The following MALRD1 variants were observed in gnomAD, a reference collection of about 807,000 sequenced individuals.
The protein encoded by MALRD1 is MAM and LDL receptor class A domain containing 1, also known as MAM and LDL-receptor class A domain-containing protein 1.
A neutral mutation model predicts 242.1 loss-of-function variants in MALRD1; 247 were observed. The ratio of observed to expected loss-of-function variants is 1.02; its 90% CI spans 0.92 to 1.13. The LOEUF is 1.13. MALRD1 is among the 50% of genes most tolerant of loss of function. MALRD1 has a pLI of 0.00. For missense variants in MALRD1, 2,989 were observed against 2,533.1 expected, an observed-to-expected ratio of 1.18 and a Z score of -3.86; for synonymous variants, 995 against 866.6, an observed-to-expected ratio of 1.15 and a Z score of -2.60.
intron 36 of MALRD1, among the ~76,000 whole-genome samples, chr10:19,664,916 C>T (rs1589375934): frequency 1.3e-5 from 2 of 151,882 alleles, no homozygotes; most frequent in East Asian, 3.9e-4. Flanking sequence ...AATCATTCAC[C>T]TATCATCAAA....
intron 38 of MALRD1, among the ~76,000 whole-genome samples, chr10:19,730,239 A>T (rs1835233082): frequency 6.6e-6 from 1 of 152,172 alleles, no homozygotes; most frequent in African/African-American, 2.4e-5. Context: ...AAAGACTATG[A>T]CTCATGTGCT....
rs575308115 is a variant in MALRD1 at position 19,124,611 on chromosome 10, C to T, written c.884C>T (p.Ala295Val). 6.0e-5 allele frequency: 74 copies of T among 1,233,576 alleles called. No individual in the cohort carries two copies. The Admixed American group carries it at 7.6e-4, about 13-fold the overall frequency. 76.4% of individuals were successfully genotyped at this position (1,233,576 alleles called of 1,614,324 possible). A position where few individuals can be genotyped will look rare whatever the true frequency, so the allele number is the denominator to read the frequency against. ...CAAATTTCCTGGATGCGCACAAAAG[C>T]GAGAGAGATCCCTGCATTCGAATCC... ...AGQISWMRTKAREIPAFESTP... is the reference protein window; with the variant it reads ...AGQISWMRTKVREIPAFESTP... The change falls in exon 7 of 40, where the codon GCG becomes GTG. Residue 295 changes from alanine to valine, a missense_variant. Coordinates refer to ENST00000454679, the MANE Select transcript of MALRD1 (RefSeq NM_001142308.3).
intron 13 of MALRD1, among the ~76,000 whole-genome samples, chr10:19,170,079 T>C (rs901051269): frequency 6.6e-6 from 1 of 152,176 alleles, no homozygotes; most frequent in Non-Finnish European, 1.5e-5. Flanking sequence ...CCTAGTTAGG[T>C]AGGGCATTTG....
At chr10:19,483,830 G>C (rs1417823754) in intron 29 of MALRD1, among the ~76,000 whole-genome samples, 1 of 152,090 alleles carries the variant, frequency 6.6e-6, no homozygotes, top group African/African-American at 2.4e-5. Flanking sequence ...GAATGCATAT[G>C]CTCTTCATAG....
At chr10:19,376,606 AG>A (rs1457843930) in intron 26 of MALRD1, among the ~76,000 whole-genome samples, 2 of 120,632 alleles carry the variant, frequency 1.7e-5, no homozygotes, top group African/African-American at 6.5e-5. Context: ...CCCAGGCTGG[AG>A]TGCAGTGGCA....
chr10:19,231,148 AT>A (rs1409097403), intron 18 of MALRD1, among the ~76,000 whole-genome samples: 1 of 152,172 alleles, frequency 6.6e-6, no homozygotes, highest in Admixed American at 6.5e-5. Context: ...TATCTGAAGA[AT>A]GGCCAGTGAA....
chr10:19,238,196 ATATATAT>A (rs1838491522), intron 18 of MALRD1, among the ~76,000 whole-genome samples: 1 of 62,610 alleles, frequency 1.6e-5, no homozygotes, highest in African/African-American at 6.8e-5. Context: ...AATATACATA[ATATATAT>A]TATATATATG....
At chr10:19,316,466 A>G (rs769933690) in intron 21 of MALRD1, among the ~76,000 whole-genome samples, 6 of 151,920 alleles carry the variant, frequency 3.9e-5, no homozygotes, top group Admixed American at 6.6e-5. Context: ...GGCAAACAAT[A>G]CAGAATGTTC....
chr10:19,260,462 G>A (rs1839697297), intron 19 of MALRD1, among the ~76,000 whole-genome samples: 1 of 152,054 alleles, frequency 6.6e-6, no homozygotes, highest in African/African-American at 2.4e-5. Flanking sequence ...ATTTCAACTG[G>A]GACATGGTAT....
At chr10:19,353,670 G>T (rs1191967099) in intron 26 of MALRD1, among the ~76,000 whole-genome samples, 1 of 152,170 alleles carries the variant, frequency 6.6e-6, no homozygotes, top group East Asian at 1.9e-4. Context: ...TACATAGGTG[G>T]ATTTAATGCA....
At chr10:19,363,589 GTGAAA>G (rs1844988482) in intron 26 of MALRD1, among the ~76,000 whole-genome samples, 1 of 152,140 alleles carries the variant, frequency 6.6e-6, no homozygotes, top group Admixed American at 6.6e-5. Flanking sequence ...AAAACTTGTA[GTGAAA>G]TGAGACTATA....
chr10:19,049,366 C>G (rs1047636548), intron 1 of MALRD1, among the ~76,000 whole-genome samples: 6 of 152,030 alleles, frequency 3.9e-5, no homozygotes, highest in Non-Finnish European at 8.8e-5. Context: ...ATTTTTCAGT[C>G]AGTTTTTACT....
chr10:19,368,887 G>GTT (rs1485372133), intron 26 of MALRD1, among the ~76,000 whole-genome samples: 94 of 93,182 alleles, frequency 1.0e-3, no homozygotes, highest in African/African-American at 4.4e-3. Flanking sequence ...GTGTGTGTGT[G>GTT]TGTTTGTGTG....
chr10:19,130,807 G>T (rs1320880516), intron 8 of MALRD1, among the ~76,000 whole-genome samples: 2 of 152,060 alleles, frequency 1.3e-5, no homozygotes, highest in Non-Finnish European at 1.5e-5. Context: ...GGTGGCTTTA[G>T]AACCATACAA....
intron 4 of MALRD1, 94 bp downstream of exon 4, chr10:19,088,279 G>T (rs1303477725): frequency 9.0e-7 from 1 of 1,114,556 alleles, no homozygotes; most frequent in Non-Finnish European, 1.1e-6. Context: ...AACTGTCCCA[G>T]TTTGCCAGGG....
chr10:19,634,441 T>C (rs1477479762), intron 36 of MALRD1, among the ~76,000 whole-genome samples: 2 of 152,130 alleles, frequency 1.3e-5, no homozygotes, highest in Non-Finnish European at 2.9e-5. Context: ...CATCACATTA[T>C]TGGTTTACCC....
intron 1 of MALRD1, among the ~76,000 whole-genome samples, chr10:19,062,607 G>A (rs899909483): frequency 2.0e-5 from 3 of 152,198 alleles, no homozygotes; most frequent in African/African-American, 7.2e-5. Context: ...GTTATGCTAA[G>A]TGAAATAAGC....
At chr10:19,699,325 A>AAGGAGGGAAAGGAGGGAAAGGAGGGAC (rs1833515266) in intron 38 of MALRD1, among the ~76,000 whole-genome samples, 4 of 150,506 alleles carry the variant, frequency 2.7e-5, no homozygotes, top group African/African-American at 9.9e-5. Flanking sequence ...AAAGGAGGGA[A>AAGGAGGGAAAGGAGGGAAAGGAGGGAC]AGGTAGGAGG....
At chr10:19,399,920 T>C (rs1001239534) in intron 28 of MALRD1, among the ~76,000 whole-genome samples, 2 of 152,102 alleles carry the variant, frequency 1.3e-5, no homozygotes, top group East Asian at 3.9e-4. Flanking sequence ...GTGAAAGATA[T>C]AAACAAAAAA....
Sources: allele counts gnomAD v4.1 joint callset (sites outside exome capture counted in the v4.1 genomes callset), GRCh38; gene constraint gnomAD v4.1.1; transcripts MANE v1.5; gene names NCBI Gene and HGNC (gene_info 2026-07-23, HGNC 2026-07-21).